LARP4B: variants seen among roughly 807,000 people sequenced by gnomAD.
LARP4B encodes the protein la-related protein 4B.
Under a neutral mutation model 89.8 loss-of-function variants are expected in LARP4B, and 12 were observed. The ratio of observed to expected loss-of-function variants is 0.13; its 90% CI spans 0.09 to 0.22. The LOEUF (loss-of-function observed/expected upper bound fraction) is 0.22. Among genes scored for constraint, LARP4B ranks in the 10% least tolerant of loss-of-function variants. The probability of loss-of-function intolerance (pLI) is 1.00; values close to 1 mark genes in which losing one functional copy is unlikely to be tolerated. For missense variants in LARP4B, 757 were observed against 947.7 expected, an observed-to-expected ratio of 0.80 and a Z score of 2.64; for synonymous variants, 367 against 363.3, an observed-to-expected ratio of 1.01 and a Z score of -0.12.
intron 5 of LARP4B, among the ~76,000 whole-genome samples, chr10:854,101 T>C (rs984960818): frequency 3.3e-5 from 5 of 152,236 alleles, no homozygotes; most frequent in Non-Finnish European, 5.9e-5. Context: ...TGCTCATCCA[T>C]AAGAAGCAAG....
At chr10:918,565 T>A (rs1274620297) in intron 1 of LARP4B, among the ~76,000 whole-genome samples, 1 of 128,398 alleles carries the variant, frequency 7.8e-6, no homozygotes, top group Non-Finnish European at 1.6e-5. Flanking sequence ...GACTGGGAGG[T>A]CAAGACCACA....
rs1229887778 is a variant in LARP4B at position 852,154 on chromosome 10, G to A, written c.431-7099C>T. ...CATGACTTGTTTCACTTCCTCATATGAGGGTGAAATAATACGTAACCTCTT... is the reference window on the plus strand; with the variant it reads ...CATGACTTGTTTCACTTCCTCATATAAGGGTGAAATAATACGTAACCTCTT... On this transcript the variant is annotated intron_variant, in intron 5 of 17. Coordinates refer to ENST00000316157, the MANE Select transcript of LARP4B (RefSeq NM_015155.3). Among the ~76,000 whole-genome samples, 10 of 152,296 alleles carry A rather than the reference G, an allele frequency of 6.6e-5. No homozygotes were observed. In the East Asian group the frequency reaches 1.3e-3, roughly 21 times the overall value.
intron 13 of LARP4B, among the ~76,000 whole-genome samples, chr10:824,056 G>C (rs1444228670): frequency 6.6e-6 from 1 of 152,214 alleles, no homozygotes. Flanking sequence ...AGGAAGAGGA[G>C]CTTGCACGTC....
chr10:952,233 G>T, the LARP4B span, among the ~76,000 whole-genome samples: 2 of 151,316 alleles, frequency 1.3e-5, no homozygotes, highest in African/African-American at 4.9e-5. Flanking sequence ...CCAGCTACTT[G>T]GGAGGCTGAG....
At chr10:895,334 A>T (rs1182989125) in intron 1 of LARP4B, among the ~76,000 whole-genome samples, 1 of 152,158 alleles carries the variant, frequency 6.6e-6, no homozygotes, top group Non-Finnish European at 1.5e-5. Flanking sequence ...AATTTGTATT[A>T]ATGAAATAAT....
At chr10:851,865 A>C (rs1165748545) in intron 5 of LARP4B, among the ~76,000 whole-genome samples, 1 of 152,112 alleles carries the variant, frequency 6.6e-6, no homozygotes, top group Non-Finnish European at 1.5e-5. Context: ...AGGAGTTTGG[A>C]GACCAGCCTG....
intron 1 of LARP4B, among the ~76,000 whole-genome samples, chr10:899,924 T>C (rs1213905688): frequency 1.3e-5 from 2 of 152,014 alleles, no homozygotes; most frequent in Non-Finnish European, 2.9e-5. Flanking sequence ...AATCAAAATG[T>C]GTTACTTTCA....
At chr10:963,575 C>T in the LARP4B span, among the ~76,000 whole-genome samples, 1 of 152,164 alleles carries the variant, frequency 6.6e-6, no homozygotes, top group African/African-American at 2.4e-5. Flanking sequence ...GGGTTATGGT[C>T]CCCATCTTCC....
the LARP4B span, among the ~76,000 whole-genome samples, chr10:981,989 G>A: frequency 1.3e-5 from 2 of 152,242 alleles, no homozygotes; most frequent in African/African-American, 4.8e-5. Flanking sequence ...GAATCTAGCA[G>A]CAGGCAGCAG....
chr10:813,245 G>T (rs1271620103), intron 17 of LARP4B, 32 bp from the exon 18 acceptor site: 2 of 1,569,596 alleles, frequency 1.3e-6, no homozygotes, highest in Non-Finnish European at 1.7e-6. Context: ...TTACCTGTGT[G>T]AAATGGTGTC....
At chr10:988,111 C>G in the LARP4B span, 2 of 212,954 alleles carry the variant, frequency 9.4e-6, no homozygotes, top group East Asian at 2.6e-4. Context: ...AATCCCAAGA[C>G]CCCGGACCCT....
intron 1 of LARP4B, among the ~76,000 whole-genome samples, chr10:929,785 A>C (rs1837250649): frequency 6.6e-6 from 1 of 152,190 alleles, no homozygotes; most frequent in African/African-American, 2.4e-5. Flanking sequence ...AAATAAGTCA[A>C]CTCAACTCAC....
chr10:897,987 CAAAAAAAAAA>C (rs58452748), intron 1 of LARP4B, among the ~76,000 whole-genome samples: 408 of 25,650 alleles, frequency 0.016, 2 homozygotes, highest in African/African-American at 0.067. Flanking sequence ...GGCTCCATCT[CAAAAAAAAAA>C]AAAAAAAAAA....
chr10:972,609 G>A, the LARP4B span: 1 of 457,200 alleles, frequency 2.2e-6, no homozygotes, highest in African/African-American at 2.0e-5. Flanking sequence ...GGGGTGTTTA[G>A]AGACTTCCAA....
chr10:819,635 G>C (rs1316063159), intron 14 of LARP4B: 3 of 152,260 alleles, frequency 2.0e-5, no homozygotes, highest in Non-Finnish European at 2.9e-5. Flanking sequence ...AAATGGCTGT[G>C]GGAAAACATC....
At chr10:947,757 G>T in the LARP4B span, among the ~76,000 whole-genome samples, 1 of 152,058 alleles carries the variant, frequency 6.6e-6, no homozygotes, top group Non-Finnish European at 1.5e-5. Flanking sequence ...AAGTAGCTGG[G>T]ATTACAGGGA....
At chr10:957,105 G>A in the LARP4B span, among the ~76,000 whole-genome samples, 28 of 152,260 alleles carry the variant, frequency 1.8e-4, no homozygotes, top group Non-Finnish European at 3.7e-4. Context: ...TGATGGGAGA[G>A]TGCAAGCTCT....
At chr10:862,576 T>C (rs149224440) in intron 5 of LARP4B, among the ~76,000 whole-genome samples, 1,756 of 152,158 alleles carry the variant, frequency 0.012, 16 homozygotes, top group Non-Finnish European at 0.018. Context: ...CTGGCTAACA[T>C]GGTGAAACCC....
intron 1 of LARP4B, among the ~76,000 whole-genome samples, chr10:911,999 T>C (rs1836679144): frequency 6.6e-6 from 1 of 152,176 alleles, no homozygotes; most frequent in South Asian, 2.1e-4. Context: ...CACCAAGTGA[T>C]AAGATTCCCA....
Sources: gnomAD v4.1 joint callset for allele counts (sites outside exome capture counted in the v4.1 genomes callset) on GRCh38, gnomAD v4.1.1 for gene constraint, MANE v1.5 for transcripts, NCBI Gene and HGNC (gene_info 2026-07-23, HGNC 2026-07-21) for gene names.